Variants in PLXDC2 observed in about 807,000 individuals in gnomAD.
PLXDC2 encodes the protein plexin domain containing 2, also known as plexin domain-containing protein 2.
PLXDC2 carries 40 observed loss-of-function variants against 68.9 expected under a neutral mutation model. The observed-to-expected ratio is 0.58, with a 90% CI of 0.45 to 0.76. The LOEUF is 0.76. Among genes scored for constraint, PLXDC2 ranks in the 30% least tolerant of loss-of-function variants. PLXDC2 has a pLI of 0.00. For missense variants in PLXDC2, 644 were observed against 661.9 expected (o/e 0.97, Z 0.30); for synonymous variants, 243 against 234.2 (o/e 1.04, Z -0.34).
rs149398407 is a variant in PLXDC2, at chr10:20,270,849, A to G, written c.1474-8854A>G. ...AATTGAATTTTCTAATGACAGAATT[A>G]AAAACATCAGAAGGCTTAGTTTAGG... On this transcript the variant is annotated intron_variant, in intron 13 of 13. Coordinates refer to ENST00000377252, the MANE Select transcript of PLXDC2 (RefSeq NM_032812.9). Among the ~76,000 whole-genome samples the G allele has an allele frequency of 4.1e-3, 619 of 152,172 alleles. 7 individuals are homozygous for G. Among genetic ancestry groups the G allele is most frequent in the African/African-American group, 0.014 (580 of 41,504 alleles).
intron 1 of PLXDC2, among the ~76,000 whole-genome samples, chr10:19,877,044 G>T (rs1837645254): frequency 6.6e-6 from 1 of 152,206 alleles, no homozygotes; most frequent in African/African-American, 2.4e-5. Context: ...ATTTGAAGAT[G>T]ACCTCAATAA....
intron 2 of PLXDC2, among the ~76,000 whole-genome samples, chr10:20,023,685 G>A (rs1835351145): frequency 6.6e-6 from 1 of 151,764 alleles, no homozygotes; most frequent in Non-Finnish European, 1.5e-5. Flanking sequence ...CCCAGTCTGT[G>A]GTATTCTGTT....
chr10:20,253,467 T>C (rs925165466), intron 13 of PLXDC2, among the ~76,000 whole-genome samples: 3 of 151,936 alleles, frequency 2.0e-5, no homozygotes, highest in Non-Finnish European at 4.4e-5. Context: ...AAGTTATAAG[T>C]TATTTCCATA....
rs560905965 is a variant in PLXDC2, at chr10:20,281,103, G to A, written c.*1284G>A. On this transcript the variant is annotated 3_prime_UTR_variant, in exon 14 of 14. Coordinates refer to ENST00000377252, the MANE Select transcript of PLXDC2 (RefSeq NM_032812.9). ...CAAAAGTGGTTCAGTTCATTGCCGC[G>A]CCCATCATGTTCTTGACTATTTGAT... is the stretch of plus-strand genomic sequence containing the variant. 8 of 151,886 alleles carry A rather than the reference G, an allele frequency of 5.3e-5. No homozygotes were observed. Among genetic ancestry groups the A allele is most frequent in the African/African-American group, 1.5e-4 (6 of 41,356 alleles). 9.4% of individuals were successfully genotyped at this position (151,886 alleles called of 1,614,324 possible).
chr10:19,881,774 T>C (rs1009084654), intron 1 of PLXDC2, among the ~76,000 whole-genome samples: 17 of 152,236 alleles, frequency 1.1e-4, no homozygotes, highest in Admixed American at 3.9e-4. Context: ...TTCTGATAAC[T>C]TCTCCAGTTT....
At chr10:19,995,598 T>C (rs1458701305) in intron 1 of PLXDC2, among the ~76,000 whole-genome samples, 1 of 152,170 alleles carries the variant, frequency 6.6e-6, no homozygotes, top group Non-Finnish European at 1.5e-5. Flanking sequence ...TAGGGAATGA[T>C]GGGAACCGTC....
chr10:20,096,746 G>A (rs531042473), intron 4 of PLXDC2, among the ~76,000 whole-genome samples: 2 of 152,162 alleles, frequency 1.3e-5, no homozygotes, highest in South Asian at 4.1e-4. Context: ...TCTGATTACT[G>A]AGATATATTT....
intron 2 of PLXDC2, among the ~76,000 whole-genome samples, chr10:20,042,550 A>G (rs115546619): frequency 0.018 from 2,693 of 151,774 alleles, 76 homozygotes; most frequent in African/African-American, 0.061. Flanking sequence ...ATATCAAATG[A>G]CTACTACACT....
At chr10:19,885,776 G>C (rs1837834221) in intron 1 of PLXDC2, among the ~76,000 whole-genome samples, 1 of 152,212 alleles carries the variant, frequency 6.6e-6, no homozygotes, top group African/African-American at 2.4e-5. Flanking sequence ...ACAGTTTGAA[G>C]TCAGGTAGCA....
intron 13 of PLXDC2, among the ~76,000 whole-genome samples, chr10:20,269,188 A>G (rs1281342907): frequency 6.6e-6 from 1 of 152,212 alleles, no homozygotes; most frequent in East Asian, 1.9e-4. Flanking sequence ...TGATATAATT[A>G]TTAATAGTTT....
At chr10:20,063,908 AC>A (rs1212307263) in intron 3 of PLXDC2, among the ~76,000 whole-genome samples, 1 of 152,174 alleles carries the variant, frequency 6.6e-6, no homozygotes, top group Non-Finnish European at 1.5e-5. Context: ...AAGACGTAAT[AC>A]TTTTTTTGTT....
intron 9 of PLXDC2, among the ~76,000 whole-genome samples, chr10:20,203,985 C>T (rs1009889664): frequency 2.0e-5 from 3 of 151,620 alleles, no homozygotes; most frequent in Non-Finnish European, 4.4e-5. Flanking sequence ...TGTAAAACTT[C>T]ATAAGTGATC....
intron 1 of PLXDC2, among the ~76,000 whole-genome samples, chr10:19,893,743 A>G (rs1333378179): frequency 1.3e-5 from 2 of 152,238 alleles, no homozygotes; most frequent in East Asian, 3.8e-4. Flanking sequence ...GTCATAAGTG[A>G]AACAATCCTT....
intron 1 of PLXDC2, among the ~76,000 whole-genome samples, chr10:19,861,215 T>C (rs1564612300): frequency 6.6e-6 from 1 of 151,864 alleles, no homozygotes; most frequent in African/African-American, 2.4e-5. Flanking sequence ...TTGTATTTTT[T>C]GTAGAGATGG....
chr10:20,143,909 G>C (rs910196950), intron 5 of PLXDC2, among the ~76,000 whole-genome samples: 5 of 152,028 alleles, frequency 3.3e-5, no homozygotes, highest in Non-Finnish European at 7.4e-5. Flanking sequence ...AAGTTTTCTT[G>C]ACTTTAGAAA....
intron 6 of PLXDC2, among the ~76,000 whole-genome samples, chr10:20,161,732 A>C (rs925506344): frequency 6.6e-6 from 1 of 151,994 alleles, no homozygotes. Flanking sequence ...GGGAAGAGAG[A>C]CAGAAAAGGT....
intron 2 of PLXDC2, among the ~76,000 whole-genome samples, chr10:20,020,538 G>T (rs1056465312): frequency 6.7e-6 from 1 of 148,732 alleles, no homozygotes; most frequent in African/African-American, 2.4e-5. Flanking sequence ...CTGTATATAT[G>T]TATCTCTGTT....
intron 1 of PLXDC2, among the ~76,000 whole-genome samples, chr10:19,890,421 T>C (rs1215486062): frequency 6.6e-6 from 1 of 151,992 alleles, no homozygotes; most frequent in African/African-American, 2.4e-5. Flanking sequence ...TCCCTAGTGG[T>C]CCTCAGTGCC....
At position 20,044,224 on chromosome 10, in the gene PLXDC2, T is replaced by TCTTTC. The variant is rs1564293905; in HGVS notation, c.325-2644_325-2640dup. 5.8e-5 allele frequency among the ~76,000 whole-genome samples: 2 copies of TCTTTC among 34,244 alleles called. 1 individual carries two copies. Among genetic ancestry groups the TCTTTC allele is most frequent in the African/African-American group, 3.5e-4 (2 of 5,656 alleles). The allele number at this position is 34,244 out of a possible 152,430, so 22.5% of individuals were successfully genotyped here. On this transcript the variant is annotated intron_variant, in intron 2 of 13. Coordinates refer to ENST00000377252, the MANE Select transcript of PLXDC2 (RefSeq NM_032812.9). Reference sequence around the variant, plus strand: ...CTCTCTCTCTCTGTCTTTCTTTCTTTCTTTCTTTCTTTCTTTCTTTCTTTC... The same window carrying TCTTTC: ...CTCTCTCTCTCTGTCTTTCTTTCTTTCTTTCCTTTCTTTCTTTCTTTCTTTCTTTC...
Sources: gnomAD v4.1 joint callset for allele counts (sites outside exome capture counted in the v4.1 genomes callset) on GRCh38, gnomAD v4.1.1 for gene constraint, MANE v1.5 for transcripts, NCBI Gene and HGNC (gene_info 2026-07-23, HGNC 2026-07-21) for gene names.